RBBP9: variants seen among roughly 807,000 people sequenced by gnomAD.
RBBP9 encodes the protein RB binding protein 9, serine hydrolase, also known as serine hydrolase RBBP9.
In RBBP9, 20 loss-of-function variants were observed where a neutral mutation model predicts 24.2. That is an observed-to-expected ratio of 0.83 (90% CI 0.58 to 1.20). The LOEUF is 1.20. Ranked by LOEUF, RBBP9 falls within the 50% of genes most tolerant of loss-of-function variation. The pLI is 0.00. For missense variants in RBBP9, 234 were observed against 233.6 expected, an observed-to-expected ratio of 1.00 and a Z score of -0.01; for synonymous variants, 74 against 84.6, an observed-to-expected ratio of 0.87 and a Z score of 0.69.
intron 2 of RBBP9, 151 bp downstream of exon 2, chr20:18,495,687 C>A: frequency 4.6e-6 from 2 of 432,522 alleles, no homozygotes; most frequent in Non-Finnish European, 8.2e-6. Flanking sequence ...TTTTGGTTCA[C>A]ACCCTCCTCC....
chr20:18,496,586 A>T (rs2059887559), intron 1 of RBBP9, among the ~76,000 whole-genome samples: 1 of 152,224 alleles, frequency 6.6e-6, no homozygotes, highest in Non-Finnish European at 1.5e-5. Context: ...ATGGGTAGAC[A>T]TAAGGGTCGT....
In RBBP9 at chr20:18,495,808, AGGC is replaced by A. The variant is rs771240300; in HGVS notation, c.142+27_142+29del. On this transcript the variant is annotated intron_variant, in intron 2 of 4. Coordinates refer to ENST00000337227, the MANE Select transcript of RBBP9 (RefSeq NM_006606.3). ...GGTAATATCAAAACCCAACAAGATG[AGGC>A]TATTTAAAAACAAGTTTAAAACTTA... is the stretch of plus-strand genomic sequence containing the variant. 5.3e-5 allele frequency: 81 copies of A among 1,530,214 alleles called. No individual in the cohort carries two copies. In the East Asian group the frequency reaches 1.5e-3, roughly 28 times the overall value. 94.8% of individuals were successfully genotyped at this position (1,530,214 alleles called of 1,614,324 possible).
chr20:18,497,187 T>A lies in RBBP9; in HGVS notation c.-20A>T. 2 of 1,592,928 alleles carry A rather than the reference T, an allele frequency of 1.3e-6. No homozygotes were observed. The highest frequency in any genetic ancestry group is 1.7e-6 in the Non-Finnish European group (2 of 1,161,572). Reference sequence around the variant, plus strand: ...AGCCATGAGTGCAGCGAGGCCAGAGTTCCCCAGCGCGGGTCCAGCGGAGCT... The same window carrying A: ...AGCCATGAGTGCAGCGAGGCCAGAGATCCCCAGCGCGGGTCCAGCGGAGCT... On this transcript the variant is annotated 5_prime_UTR_variant, in exon 1 of 5. Coordinates refer to ENST00000337227, the MANE Select transcript of RBBP9 (RefSeq NM_006606.3).
exon 1 of RBBP9, chr20:18,497,218 CAGCCTGCTCCCG>C (rs766915647): frequency 6.8e-7 from 1 of 1,463,060 alleles, no homozygotes; most frequent in Admixed American, 1.7e-5. Flanking sequence ...GAGCTGAGCC[CAGCCTGCTCCCG>C]CAGGGAGCCT....
intron 4 of RBBP9, among the ~76,000 whole-genome samples, 182 bp from the exon 5 acceptor site, chr20:18,490,172 G>C (rs2059860128): frequency 6.6e-6 from 1 of 152,174 alleles, no homozygotes; most frequent in Non-Finnish European, 1.5e-5. Context: ...TGAAGAGGTG[G>C]TATATGGTTC....
rs1333192080 is a variant in RBBP9 at position 18,487,200 on chromosome 20, T to C, written c.*2564A>G. On this transcript the variant is annotated 3_prime_UTR_variant, in exon 5 of 5. Transcript: ENST00000337227. Reference sequence around the variant, plus strand: ...TGAAATATGGCTAGTTTGACTGAACTGAATTTTCAATTTTACAGCTAGCTG... The same window carrying C: ...TGAAATATGGCTAGTTTGACTGAACCGAATTTTCAATTTTACAGCTAGCTG... 6.6e-6 allele frequency: 1 copy of C among 152,208 alleles called. No homozygotes were observed. Among genetic ancestry groups the C allele is most frequent in the Non-Finnish European group, 1.5e-5 (1 of 68,026 alleles). 9.4% of individuals were successfully genotyped at this position (152,208 alleles called of 1,614,324 possible).
At chr20:18,496,971 G>C (rs948657010) in intron 1 of RBBP9, 98 bp downstream of exon 1, 4 of 937,962 alleles carry the variant, frequency 4.3e-6, no homozygotes, top group Non-Finnish European at 6.7e-6. Flanking sequence ...GGCTTTGCTA[G>C]AGGGGATTAG....
chr20:18,490,543 T>G, intron 3 of RBBP9, 63 bp from the exon 4 acceptor site: 1 of 1,229,050 alleles, frequency 8.1e-7, no homozygotes, highest in South Asian at 1.2e-5. Context: ...AAAAAGTCAA[T>G]AAACTACTTA....
chr20:18,497,224 GCTCCCGCAGGGA>G, exon 1 of RBBP9: 6 of 1,427,286 alleles, frequency 4.2e-6, no homozygotes, highest in Admixed American at 7.0e-5. Context: ...AGCCCAGCCT[GCTCCCGCAGGGA>G]GCCTGCGCCG....
At chr20:18,493,910 G>A in intron 3 of RBBP9, 48 bp downstream of exon 3, 1 of 1,404,894 alleles carries the variant, frequency 7.1e-7, no homozygotes, top group Non-Finnish European at 9.8e-7. Flanking sequence ...TCTCAAGCAA[G>A]CATGACTGGA....
At chr20:18,496,378 C>T (rs1249476910) in intron 1 of RBBP9, among the ~76,000 whole-genome samples, 1 of 152,140 alleles carries the variant, frequency 6.6e-6, no homozygotes, top group Non-Finnish European at 1.5e-5. Context: ...GCCGACTTAC[C>T]GCCTGGTTAC....
intron 1 of RBBP9, among the ~76,000 whole-genome samples, chr20:18,496,094 A>G (rs1012917535): frequency 6.6e-5 from 10 of 152,238 alleles, no homozygotes; most frequent in African/African-American, 2.2e-4. Flanking sequence ...AGAGACCTAT[A>G]TCTGCATTTG....
At chr20:18,493,798 C>T (rs972947240) in intron 3 of RBBP9, among the ~76,000 whole-genome samples, 160 bp downstream of exon 3, 1 of 152,176 alleles carries the variant, frequency 6.6e-6, no homozygotes, top group Non-Finnish European at 1.5e-5. Flanking sequence ...TTCTTTCAAT[C>T]CACTAGCAAA....
intron 3 of RBBP9, among the ~76,000 whole-genome samples, chr20:18,491,524 C>T (rs1187430577): frequency 2.6e-5 from 4 of 152,020 alleles, no homozygotes; most frequent in African/African-American, 9.7e-5. Flanking sequence ...TTGACTAGAT[C>T]TAGGATTGAC....
At chr20:18,494,638 G>A (rs540159516) in intron 2 of RBBP9, among the ~76,000 whole-genome samples, 1 of 151,786 alleles carries the variant, frequency 6.6e-6, no homozygotes, top group East Asian at 1.9e-4. Flanking sequence ...CCAACATCAC[G>A]CCACAGCACT....
chr20:18,489,695 A>G lies in RBBP9; in HGVS notation c.*69T>C. 1 of 1,026,850 alleles carries G rather than the reference A, an allele frequency of 9.7e-7. No homozygotes were observed. The highest frequency in any genetic ancestry group is 1.6e-5 in the African/African-American group (1 of 63,228). The allele number at this position is 1,026,850 out of a possible 1,614,324, so 63.6% of individuals were successfully genotyped here. A position where few individuals can be genotyped will look rare whatever the true frequency, so the allele number is the denominator to read the frequency against. ...ACTTAACTGGATGTTCTATGTGTCT[A>G]GTAATCAGCTGATAGTAGATATTAT... On this transcript the variant is annotated 3_prime_UTR_variant, in exon 5 of 5. Coordinates refer to ENST00000337227, the MANE Select transcript of RBBP9 (RefSeq NM_006606.3).
At chr20:18,490,772 T>G (rs1453885248) in intron 3 of RBBP9, among the ~76,000 whole-genome samples, 1 of 151,922 alleles carries the variant, frequency 6.6e-6, no homozygotes, top group Non-Finnish European at 1.5e-5. Context: ...CTCCACCTCC[T>G]GGGTTCAAAC....
chr20:18,492,225 T>A (rs181547149), intron 3 of RBBP9, among the ~76,000 whole-genome samples: 1 of 150,796 alleles, frequency 6.6e-6, no homozygotes, highest in Non-Finnish European at 1.5e-5. Context: ...TTACACCCAA[T>A]AAATTTCACA....
chr20:18,489,722 C>T lies in RBBP9; in HGVS notation c.*42G>A. 1.5e-6 allele frequency: 2 copies of T among 1,321,332 alleles called. No homozygotes were observed. The highest frequency in any genetic ancestry group is 1.4e-5 in the African/African-American group (1 of 69,314). 81.9% of individuals were successfully genotyped at this position (1,321,332 alleles called of 1,614,324 possible). ...TAATCAGCTGATAGTAGATATTATTCTACTCCTATATTGGGATGCAAAATA... is the reference window on the plus strand; with the variant it reads ...TAATCAGCTGATAGTAGATATTATTTTACTCCTATATTGGGATGCAAAATA... On this transcript the variant is annotated 3_prime_UTR_variant, in exon 5 of 5. Transcript: ENST00000337227.
Sources: allele counts gnomAD v4.1 joint callset (sites outside exome capture counted in the v4.1 genomes callset), GRCh38; gene constraint gnomAD v4.1.1; transcripts MANE v1.5; gene names NCBI Gene and HGNC (gene_info 2026-07-23, HGNC 2026-07-21).